The following ZNF236 variants were observed in gnomAD, a reference collection of about 807,000 sequenced individuals.
The protein encoded by ZNF236 is zinc finger protein 236, also known as regulated by glucose.
ZNF236 carries 50 observed loss-of-function variants against 191.2 expected under a neutral mutation model. The ratio of observed to expected loss-of-function variants is 0.26; its 90% CI spans 0.21 to 0.33. The LOEUF is 0.33. Ranked by LOEUF, ZNF236 falls within the 10% of genes least tolerant of loss-of-function variation. The pLI is 1.00. For synonymous variants in ZNF236, 907 were observed against 928.8 expected, an observed-to-expected ratio of 0.98 and a Z score of 0.43; for missense variants, 1,754 against 2,374.5, an observed-to-expected ratio of 0.74 and a Z score of 5.43.
In ZNF236 at chr18:76,907,688, A is replaced by AT. The variant is rs975009762; in HGVS notation, c.2298-625dup. Among the ~76,000 whole-genome samples the AT allele has an allele frequency of 2.3e-5, 3 of 130,288 alleles. No homozygotes were observed. The East Asian group carries it at 6.9e-4, about 30-fold the overall frequency. 85.5% of individuals were successfully genotyped at this position (130,288 alleles called of 152,430 possible). On this transcript the variant is annotated intron_variant, in intron 13 of 30. Coordinates refer to ENST00000320610, the MANE Select transcript of ZNF236 (RefSeq NM_001306089.2). ...CCTGTTAGTCAGATAATTGTGTGAG[A>AT]TTTTTTTCTTTTTTTTTTTTTTCAA... is the stretch of plus-strand genomic sequence containing the variant.
At chr18:76,834,638 A>G in intron 1 of ZNF236, 1 of 449,752 alleles carries the variant, frequency 2.2e-6, no homozygotes, top group Non-Finnish European at 4.3e-6. Flanking sequence ...TTCCCGTTGC[A>G]CCCATTCAAT....
At chr18:76,844,622 A>C (rs552811150) in intron 1 of ZNF236, among the ~76,000 whole-genome samples, 1 of 152,356 alleles carries the variant, frequency 6.6e-6, no homozygotes, top group Non-Finnish European at 1.5e-5. Context: ...TACATCATTA[A>C]GATTTATGGA....
At chr18:76,826,967 G>A (rs1438643587) in intron 1 of ZNF236, among the ~76,000 whole-genome samples, 2 of 152,010 alleles carry the variant, frequency 1.3e-5, no homozygotes, top group Non-Finnish European at 2.9e-5. Context: ...CACGATCTTG[G>A]CTCACCACAA....
chr18:76,904,608 G>A (rs1241455916), intron 12 of ZNF236, 87 bp downstream of exon 12: 5 of 1,245,464 alleles, frequency 4.0e-6, no homozygotes, highest in African/African-American at 3.1e-5. Context: ...TAGGATGGTA[G>A]CATTAGCTTT....
chr18:76,941,611 G>A (rs1323340032), intron 26 of ZNF236, among the ~76,000 whole-genome samples: 1 of 152,212 alleles, frequency 6.6e-6, no homozygotes, highest in Non-Finnish European at 1.5e-5. Context: ...CTGGCCTGCG[G>A]ACATGGGAGC....
intron 9 of ZNF236, chr18:76,887,596 A>G (rs1599365791): frequency 6.6e-6 from 1 of 152,152 alleles, no homozygotes; most frequent in African/African-American, 2.4e-5. Flanking sequence ...AGACTGGGTA[A>G]TTTATAAAGG....
At chr18:76,917,757 C>T (rs1031371314) in intron 19 of ZNF236, among the ~76,000 whole-genome samples, 4 of 152,146 alleles carry the variant, frequency 2.6e-5, no homozygotes, top group Non-Finnish European at 5.9e-5. Context: ...AACAGAGTTA[C>T]CTCCTTATTT....
chr18:76,911,072 A>T (rs1400398633), intron 16 of ZNF236, among the ~76,000 whole-genome samples: 1 of 152,244 alleles, frequency 6.6e-6, no homozygotes, highest in Non-Finnish European at 1.5e-5. Context: ...CCAAAAATTG[A>T]CTAGAGTGCT....
At chr18:76,825,270 CA>C (rs1974983767) in intron 1 of ZNF236, among the ~76,000 whole-genome samples, 1 of 152,246 alleles carries the variant, frequency 6.6e-6, no homozygotes, top group Non-Finnish European at 1.5e-5. Context: ...CCTCCTGTAG[CA>C]AAGTGGTTCT....
intron 26 of ZNF236, among the ~76,000 whole-genome samples, chr18:76,945,046 C>CA (rs1968223689): frequency 7.0e-6 from 1 of 142,008 alleles, no homozygotes; most frequent in Admixed American, 6.7e-5. Context: ...TCCATCATCT[C>CA]AAGGACCCCT....
intron 3 of ZNF236, 42 bp from the exon 4 acceptor site, chr18:76,868,643 T>C: frequency 6.6e-7 from 1 of 1,523,610 alleles, no homozygotes; most frequent in South Asian, 1.3e-5. Context: ...AGGAGTGGTT[T>C]TGAAAGGTTT....
chr18:76,905,331 A>G lies in ZNF236; in HGVS notation c.2213A>G (p.Asn738Ser). 1.9e-6 allele frequency: 3 copies of G among 1,614,228 alleles called. No homozygotes were observed. In the South Asian group the frequency reaches 3.3e-5, roughly 18 times the overall value. ...TTACGGCGACACATGGGTATCCACA[A>G]CGACCTTCGTCCCTATATGTGTCCC... ...GSLRRHMGIHNDLRPYMCPYC... is the reference protein window; with the variant it reads ...GSLRRHMGIHSDLRPYMCPYC... Residue 738 changes from asparagine to serine, a missense_variant, in exon 13 of 31, where the codon AAC (asparagine) becomes AGC (serine). By Grantham distance (46) the Asn-to-Ser change is conservative. Around this residue, in one of 5 missense-constraint regions of ZNF236, gnomAD observed 641 missense variants for 869.6 expected, o/e 0.74. Coordinates refer to ENST00000320610, the MANE Select transcript of ZNF236 (RefSeq NM_001306089.2).
At chr18:76,905,031 C>T (rs1221005914) in intron 12 of ZNF236, 124 bp from the exon 13 acceptor site, 9 of 1,050,942 alleles carry the variant, frequency 8.6e-6, no homozygotes, top group Middle Eastern at 3.1e-4. Context: ...AGAGCTCCGG[C>T]ATTGCTGCTT....
intron 1 of ZNF236, among the ~76,000 whole-genome samples, chr18:76,848,197 G>A (rs904451241): frequency 6.6e-6 from 1 of 152,148 alleles, no homozygotes; most frequent in Admixed American, 6.6e-5. Flanking sequence ...AAGATTTCAA[G>A]GTCTATAGAA....
chr18:76,878,445 T>C (rs1976778444), intron 7 of ZNF236, among the ~76,000 whole-genome samples: 1 of 152,262 alleles, frequency 6.6e-6, no homozygotes, highest in African/African-American at 2.4e-5. Context: ...TTCTTTAAAT[T>C]ATAATTTAAG....
intron 27 of ZNF236, among the ~76,000 whole-genome samples, chr18:76,954,959 T>G (rs1968487791): frequency 6.6e-6 from 1 of 152,272 alleles, no homozygotes; most frequent in African/African-American, 2.4e-5. Context: ...AGTATTTTTC[T>G]TTAATGTTTA....
At chr18:76,900,177 A>G (rs1977548050) in intron 11 of ZNF236, among the ~76,000 whole-genome samples, 1 of 152,206 alleles carries the variant, frequency 6.6e-6, no homozygotes, top group African/African-American at 2.4e-5. Flanking sequence ...TTTATTTACA[A>G]TAATTGTAAA....
intron 19 of ZNF236, among the ~76,000 whole-genome samples, chr18:76,916,389 T>G (rs1450113358): frequency 6.6e-6 from 1 of 152,220 alleles, no homozygotes; most frequent in African/African-American, 2.4e-5. Context: ...AGTTATGGAC[T>G]GCTGTAACCC....
At chr18:76,945,479 G>C (rs1310353301) in intron 26 of ZNF236, among the ~76,000 whole-genome samples, 2 of 152,210 alleles carry the variant, frequency 1.3e-5, no homozygotes, top group Non-Finnish European at 2.9e-5. Context: ...TAGGGAACAT[G>C]AAGCTTTGTT....
Sources: allele counts gnomAD v4.1 joint callset (sites outside exome capture counted in the v4.1 genomes callset), GRCh38; gene constraint gnomAD v4.1.1; regional missense constraint gnomAD v4.1.1; transcripts MANE v1.5; gene names NCBI Gene and HGNC (gene_info 2026-07-23, HGNC 2026-07-21).